Variants in CCDC6 observed in about 807,000 individuals in gnomAD.
CCDC6 encodes coiled-coil domain-containing protein 6.
In CCDC6, 20 loss-of-function variants were observed where a neutral mutation model predicts 56.6. The observed-to-expected ratio is 0.35, with a 90% CI of 0.25 to 0.51. The LOEUF (loss-of-function observed/expected upper bound fraction) is 0.51. Ranked by LOEUF, CCDC6 falls within the 20% of genes least tolerant of loss-of-function variation. The pLI, the probability that CCDC6 is intolerant of heterozygous loss-of-function variation, is 0.95. For missense variants in CCDC6, 367 were observed against 601.1 expected (o/e 0.61, Z 4.07); for synonymous variants, 241 against 234.4 (o/e 1.03, Z -0.26).
In CCDC6 at chr10:59,789,157, T is replaced by G. The variant is rs1193828712; in HGVS notation, c.*3760A>C. On this transcript the variant is annotated 3_prime_UTR_variant, in exon 9 of 9. Transcript: ENST00000263102. The stretch of plus-strand genomic sequence containing the variant: ...TTCTTAAACTGTTGTGCCTGCAACT[T>G]TGTTTTTGCCAGGATGAAGTTCAGA... 4.3e-6 allele frequency: 1 copy of G among 230,112 alleles called. No homozygotes were observed. The highest frequency in any genetic ancestry group is 6.2e-5 in the East Asian group (1 of 16,224). The allele number at this position is 230,112 out of a possible 1,614,324, so 14.3% of individuals were successfully genotyped here.
In CCDC6 at chr10:59,791,366, T is replaced by G. The variant is rs1321764120; in HGVS notation, c.*1551A>C. ...ACACTATTATCCAACAAGACTTTTT[T>G]TTTTCATTCTGTTAACTCTTAAATA... On this transcript the variant is annotated 3_prime_UTR_variant, in exon 9 of 9. Coordinates refer to ENST00000263102, the MANE Select transcript of CCDC6 (RefSeq NM_005436.5). 1 of 198,078 alleles carries G rather than the reference T, an allele frequency of 5.0e-6. No individual in the cohort carries two copies. Among genetic ancestry groups the G allele is most frequent in the Admixed American group, 6.1e-5 (1 of 16,510 alleles). The allele number at this position is 198,078 out of a possible 1,614,324, so 12.3% of individuals were successfully genotyped here.
intron 2 of CCDC6, among the ~76,000 whole-genome samples, chr10:59,838,546 G>A (rs1564745565): frequency 6.6e-6 from 1 of 152,110 alleles, no homozygotes; most frequent in East Asian, 1.9e-4. Context: ...GACAGTCCAA[G>A]GTTTGCAAGC....
chr10:59,826,006 T>C (rs1204365147), intron 3 of CCDC6, among the ~76,000 whole-genome samples: 1 of 152,198 alleles, frequency 6.6e-6, no homozygotes, highest in Non-Finnish European at 1.5e-5. Context: ...TCACTCCCTG[T>C]ACTGCCCCTG....
intron 3 of CCDC6, among the ~76,000 whole-genome samples, chr10:59,830,895 G>T (rs1233989807): frequency 6.6e-6 from 1 of 152,194 alleles, no homozygotes; most frequent in African/African-American, 2.4e-5. Context: ...ATACCAGAGA[G>T]AAGCTATTAT....
In CCDC6 at chr10:59,795,604, C is replaced by T. The variant is rs544339536; in HGVS notation, c.1106-1007G>A. Among the ~76,000 whole-genome samples, 166 of 151,126 alleles carry T rather than the reference C, an allele frequency of 1.1e-3. 1 individual carries two copies. Among genetic ancestry groups the T allele is most frequent in the African/African-American group, 3.9e-3 (162 of 41,098 alleles). On this transcript the variant is annotated intron_variant, in intron 7 of 8. Coordinates refer to ENST00000263102, the MANE Select transcript of CCDC6 (RefSeq NM_005436.5). ...CGTTATTTAGCATTAGGTATATCTCCTAATGTTATGCCTCTCCCCTCCCCC... is the reference window on the plus strand; with the variant it reads ...CGTTATTTAGCATTAGGTATATCTCTTAATGTTATGCCTCTCCCCTCCCCC...
At chr10:59,820,900 C>G (rs537325744) in intron 3 of CCDC6, among the ~76,000 whole-genome samples, 2 of 148,638 alleles carry the variant, frequency 1.3e-5, no homozygotes, top group African/African-American at 5.0e-5. Context: ...TAAGAAAACA[C>G]GAGAGTGTGT....
At chr10:59,859,855 G>A (rs533980467) in intron 1 of CCDC6, among the ~76,000 whole-genome samples, 6 of 96,854 alleles carry the variant, frequency 6.2e-5, no homozygotes, top group Middle Eastern at 4.5e-3. Context: ...ATTTGAGGCC[G>A]GCATATCACT....
intron 1 of CCDC6, among the ~76,000 whole-genome samples, chr10:59,901,839 A>T (rs2071505471): frequency 6.6e-6 from 1 of 152,192 alleles, no homozygotes; most frequent in Admixed American, 6.5e-5. Flanking sequence ...ACTGAATCAT[A>T]TAATCCACAA....
At chr10:59,828,852 T>C (rs2070811137) in intron 3 of CCDC6, among the ~76,000 whole-genome samples, 1 of 152,166 alleles carries the variant, frequency 6.6e-6, no homozygotes, top group African/African-American at 2.4e-5. Context: ...TTATTTGTGA[T>C]TTTCCCACTG....
intron 1 of CCDC6, among the ~76,000 whole-genome samples, chr10:59,870,585 C>CCGG (rs2071219721): frequency 3.2e-5 from 1 of 31,222 alleles, no homozygotes; most frequent in East Asian, 2.2e-3. Flanking sequence ...CTCCTACAAT[C>CCGG]TAGAGGACCA....
intron 2 of CCDC6, among the ~76,000 whole-genome samples, chr10:59,851,073 T>C (rs1239120463): frequency 7.0e-6 from 1 of 142,160 alleles, no homozygotes; most frequent in Non-Finnish European, 1.5e-5. Context: ...TCTGGCGAGG[T>C]CTTGACTGTC....
chr10:59,822,726 G>A (rs1242175884), intron 3 of CCDC6, among the ~76,000 whole-genome samples: 13 of 152,112 alleles, frequency 8.5e-5, no homozygotes, highest in Admixed American at 8.5e-4. Context: ...GACAGGGACA[G>A]GGGGGCAGAG....
At chr10:59,895,347 T>C (rs2071454223) in intron 1 of CCDC6, among the ~76,000 whole-genome samples, 1 of 152,182 alleles carries the variant, frequency 6.6e-6, no homozygotes, top group Non-Finnish European at 1.5e-5. Context: ...AATTAATTTA[T>C]ATGCCATCTT....
At chr10:59,810,311 GCTT>G (rs1199783335) in intron 5 of CCDC6, among the ~76,000 whole-genome samples, 8 of 152,210 alleles carry the variant, frequency 5.3e-5, no homozygotes, top group African/African-American at 1.7e-4. Flanking sequence ...TGCCACTGCT[GCTT>G]CTTTAGTTCA....
chr10:59,854,304 C>T (rs1272501644), intron 1 of CCDC6, among the ~76,000 whole-genome samples: 1 of 152,192 alleles, frequency 6.6e-6, no homozygotes, highest in Non-Finnish European at 1.5e-5. Context: ...CTCCCTGCTC[C>T]CCATCACTGT....
Position 59,790,922 on chromosome 10 carries a change from G to A in CCDC6, c.*1995C>T, listed in dbSNP as rs2070462293. On this transcript the variant is annotated 3_prime_UTR_variant, in exon 9 of 9. Coordinates refer to ENST00000263102, the MANE Select transcript of CCDC6 (RefSeq NM_005436.5). Reference sequence around the variant, plus strand: ...GTTTGGGTGCAAGACACTATCCACAGCATTGAAATCTATAATCTCATAAAA... The same window carrying A: ...GTTTGGGTGCAAGACACTATCCACAACATTGAAATCTATAATCTCATAAAA... 4.9e-6 allele frequency: 1 copy of A among 204,466 alleles called. No individual in the cohort carries two copies. Among genetic ancestry groups the A allele is most frequent in the African/African-American group, 2.3e-5 (1 of 43,698 alleles). 12.7% of individuals were successfully genotyped at this position (204,466 alleles called of 1,614,324 possible).
chr10:59,800,798 A>C (rs2070568786), intron 7 of CCDC6, among the ~76,000 whole-genome samples: 1 of 152,150 alleles, frequency 6.6e-6, no homozygotes, highest in East Asian at 1.9e-4. Context: ...TGAAATTGCC[A>C]AACCACAAAC....
At chr10:59,848,142 A>G (rs952818444) in intron 2 of CCDC6, among the ~76,000 whole-genome samples, 3 of 152,140 alleles carry the variant, frequency 2.0e-5, no homozygotes, top group Admixed American at 1.3e-4. Flanking sequence ...CTTGTAACCT[A>G]AGCTACCCAG....
At chr10:59,837,509 C>T (rs2070893009) in intron 2 of CCDC6, among the ~76,000 whole-genome samples, 1 of 152,038 alleles carries the variant, frequency 6.6e-6, no homozygotes, top group Admixed American at 6.6e-5. Context: ...CTTGGGAGGC[C>T]GAGGTGGGCA....
Sources: allele counts gnomAD v4.1 joint callset (sites outside exome capture counted in the v4.1 genomes callset), GRCh38; gene constraint gnomAD v4.1.1; transcripts MANE v1.5; gene names NCBI Gene and HGNC (gene_info 2026-07-23, HGNC 2026-07-21).